RARB: variants seen among roughly 807,000 people sequenced by gnomAD.
RARB encodes the protein retinoic acid receptor beta.
RARB carries 17 observed loss-of-function variants against 51.9 expected under a neutral mutation model. The observed-to-expected ratio is 0.33, with a 90% CI of 0.22 to 0.49. The LOEUF is 0.49. RARB is among the 20% of genes least tolerant of loss of function. RARB has a pLI of 0.99. For synonymous variants in RARB, 215 were observed against 195.4 expected (o/e 1.10, Z -0.84); for missense variants, 369 against 550.8 (o/e 0.67, Z 3.30).
chr3:25,582,675 C>A (rs1701225520), intron 5 of RARB, among the ~76,000 whole-genome samples: 1 of 152,036 alleles, frequency 6.6e-6, no homozygotes, highest in Non-Finnish European at 1.5e-5. Flanking sequence ...CCCTTCCTGC[C>A]TCCAGCACCT....
At chr3:25,184,334 T>G (rs1171268531) in intron 5 of RARB, among the ~76,000 whole-genome samples, 1 of 152,154 alleles carries the variant, frequency 6.6e-6, no homozygotes, top group Admixed American at 6.5e-5. Context: ...ATCTGTGGCT[T>G]TGTGGGCACT....
chr3:24,930,650 C>G (rs984595850), intron 2 of RARB, among the ~76,000 whole-genome samples: 1 of 152,038 alleles, frequency 6.6e-6, no homozygotes, highest in Non-Finnish European at 1.5e-5. Context: ...CAACACGGTT[C>G]CAAATTCTTT....
At chr3:25,053,957 A>G (rs1698388651) in intron 2 of RARB, among the ~76,000 whole-genome samples, 1 of 152,114 alleles carries the variant, frequency 6.6e-6, no homozygotes, top group African/African-American at 2.4e-5. Context: ...AATCCCATTC[A>G]TCCTACAGAT....
At chr3:24,951,144 G>A (rs1403399130) in intron 2 of RARB, among the ~76,000 whole-genome samples, 2 of 152,170 alleles carry the variant, frequency 1.3e-5, no homozygotes, top group Non-Finnish European at 2.9e-5. Flanking sequence ...TTATCCTACA[G>A]AGGGCTTTAT....
At chr3:24,984,590 C>T (rs1696747359) in intron 2 of RARB, among the ~76,000 whole-genome samples, 1 of 152,054 alleles carries the variant, frequency 6.6e-6, no homozygotes, top group African/African-American at 2.4e-5. Flanking sequence ...CTAATAGTAG[C>T]AGAGAGGTGG....
intron 2 of RARB, among the ~76,000 whole-genome samples, chr3:25,030,309 C>G (rs1040015738): frequency 6.6e-6 from 1 of 152,174 alleles, no homozygotes; most frequent in Non-Finnish European, 1.5e-5. Flanking sequence ...AATCATCACT[C>G]TACAGTAATT....
chr3:25,212,372 C>A (rs1701719597), intron 5 of RARB, among the ~76,000 whole-genome samples: 1 of 152,200 alleles, frequency 6.6e-6, no homozygotes, highest in Admixed American at 6.5e-5. Context: ...ATAATCCCAG[C>A]ACTTTGGGAG....
chr3:25,176,353 C>CTTT lies in RARB; in HGVS notation c.178+1778_178+1779insTTT, dbSNP rs1559493203. 4.1e-3 allele frequency among the ~76,000 whole-genome samples: 386 copies of CTTT among 95,252 alleles called. 1 individual carries two copies. Among genetic ancestry groups the CTTT allele is most frequent in the African/African-American group, 7.6e-3 (207 of 27,248 alleles). 62.5% of individuals were successfully genotyped at this position (95,252 alleles called of 152,430 possible). A position where few individuals can be genotyped will look rare whatever the true frequency, so the allele number is the denominator to read the frequency against. The stretch of plus-strand genomic sequence containing the variant: ...TCTTTCTTTCCTTCCTTCCTTCCTT[C>CTTT]CTTCCTTCCTTCCTTCCTTCCTTCC... On this transcript the variant is annotated intron_variant, in intron 5 of 11. Coordinates refer to the RARB transcript ENST00000383772.
At chr3:25,231,559 A>G (rs1559515401) in intron 5 of RARB, among the ~76,000 whole-genome samples, 1 of 152,150 alleles carries the variant, frequency 6.6e-6, no homozygotes, top group Non-Finnish European at 1.5e-5. Context: ...TCAACTTGTG[A>G]GAGTTCCAGT....
intron 2 of RARB, among the ~76,000 whole-genome samples, chr3:25,478,086 G>A (rs1000981486): frequency 1.3e-5 from 2 of 152,150 alleles, no homozygotes; most frequent in Non-Finnish European, 2.9e-5. Flanking sequence ...TTACATGGGG[G>A]CTCAGAGGTC....
rs1701923207 is a variant in RARB at position 25,597,698 on chromosome 3, AGCAGAGTGAAAGCTGTG to A, written c.*1084_*1100del. 1 of 152,558 alleles carries A rather than the reference AGCAGAGTGAAAGCTGTG, an allele frequency of 6.6e-6. No individual in the cohort carries two copies. The allele number at this position is 152,558 out of a possible 1,614,324, so 9.5% of individuals were successfully genotyped here. A position where few individuals can be genotyped will look rare whatever the true frequency, so the allele number is the denominator to read the frequency against. On this transcript the variant is annotated 3_prime_UTR_variant, in exon 8 of 8. Coordinates refer to ENST00000330688, the MANE Select transcript of RARB (RefSeq NM_000965.5). Reference sequence around the variant, plus strand: ...CTTTGACCTTGTTCAATCACTATGAAGCAGAGTGAAAGCTGTGGTAGAGTGGTTAACAGATACAAGTG... The same window carrying A: ...CTTTGACCTTGTTCAATCACTATGAAGTAGAGTGGTTAACAGATACAAGTG...
intron 5 of RARB, among the ~76,000 whole-genome samples, chr3:25,327,454 A>G (rs77994504): frequency 0.039 from 5,976 of 152,338 alleles, 160 homozygotes; most frequent in Middle Eastern, 0.065. Flanking sequence ...ATTAGAAGAG[A>G]GAAAAACAAA....
intron 2 of RARB, among the ~76,000 whole-genome samples, chr3:24,938,228 C>G (rs1695586027): frequency 6.6e-6 from 1 of 152,158 alleles, no homozygotes; most frequent in Non-Finnish European, 1.5e-5. Context: ...TTTTATATGT[C>G]AAAATCAATT....
At chr3:25,084,642 G>C (rs1164237653) in intron 3 of RARB, among the ~76,000 whole-genome samples, 1 of 151,742 alleles carries the variant, frequency 6.6e-6, no homozygotes, top group Non-Finnish European at 1.5e-5. Context: ...AGATGTATGA[G>C]TTTTTCTTTT....
At chr3:25,073,544 T>G (rs1159215179) in intron 3 of RARB, among the ~76,000 whole-genome samples, 1 of 152,356 alleles carries the variant, frequency 6.6e-6, no homozygotes, top group East Asian at 1.9e-4. Context: ...CTTAAATGTG[T>G]TACTTATAAG....
At chr3:25,252,185 T>C (rs2125402408) in intron 5 of RARB, among the ~76,000 whole-genome samples, 1 of 152,308 alleles carries the variant, frequency 6.6e-6, no homozygotes, top group Admixed American at 6.5e-5. Context: ...AGTGCTTACT[T>C]CTGGACTACA....
chr3:25,277,311 A>T (rs1195678811), intron 5 of RARB, among the ~76,000 whole-genome samples: 1 of 152,176 alleles, frequency 6.6e-6, no homozygotes, highest in Non-Finnish European at 1.5e-5. Context: ...TGGAGTCCAG[A>T]ACCTTCTCAG....
intron 5 of RARB, among the ~76,000 whole-genome samples, chr3:25,225,424 T>C (rs4681037): frequency 0.012 from 1,824 of 152,308 alleles, 72 homozygotes; most frequent in Admixed American, 0.073. Context: ...TTTGGAGGAA[T>C]ATAAATGCTT....
chr3:25,169,989 TAAAAAAA>T (rs58403240), intron 4 of RARB, among the ~76,000 whole-genome samples: 125 of 137,454 alleles, frequency 9.1e-4, no homozygotes, highest in South Asian at 1.5e-3. Flanking sequence ...CCTTATTTCT[TAAAAAAA>T]AAAAAAAAAA....
Sources: allele counts gnomAD v4.1 joint callset (sites outside exome capture counted in the v4.1 genomes callset), GRCh38; gene constraint gnomAD v4.1.1; transcripts MANE v1.5; gene names NCBI Gene and HGNC (gene_info 2026-07-23, HGNC 2026-07-21).